The following OSBPL10 variants were observed in gnomAD, a reference collection of about 807,000 sequenced individuals.
OSBPL10 encodes the protein oxysterol-binding protein-related protein 10.
Under a neutral mutation model 81.7 loss-of-function variants are expected in OSBPL10, and 49 were observed. The ratio of observed to expected loss-of-function variants is 0.60; its 90% CI spans 0.48 to 0.76. The LOEUF is 0.76. Among genes scored for constraint, OSBPL10 ranks in the 30% least tolerant of loss-of-function variants. OSBPL10 has a pLI of 0.00. For missense variants in OSBPL10, 923 were observed against 987.8 expected, an observed-to-expected ratio of 0.93 and a Z score of 0.88; for synonymous variants, 419 against 383.6, an observed-to-expected ratio of 1.09 and a Z score of -1.08.
intron 6 of OSBPL10, chr3:31,714,634 G>A (rs1006181659): frequency 2.6e-5 from 4 of 152,238 alleles, no homozygotes; most frequent in East Asian, 1.9e-4. Flanking sequence ...GCGTGCACTC[G>A]AGAAAGGAAC....
At chr3:32,060,278 C>T (rs1699744702) in intron 1 of OSBPL10, among the ~76,000 whole-genome samples, 2 of 152,108 alleles carry the variant, frequency 1.3e-5, no homozygotes, top group African/African-American at 2.4e-5. Flanking sequence ...AGGCAAGATC[C>T]GGCCTCCTTG....
intron 4 of OSBPL10, among the ~76,000 whole-genome samples, chr3:31,804,948 T>C (rs901076521): frequency 2.0e-5 from 3 of 152,218 alleles, no homozygotes; most frequent in African/African-American, 7.2e-5. Flanking sequence ...AACAACACTG[T>C]CTCCAAGGGA....
intron 1 of OSBPL10, among the ~76,000 whole-genome samples, chr3:31,968,723 A>G (rs190506553): frequency 3.4e-4 from 52 of 152,342 alleles, no homozygotes; most frequent in African/African-American, 1.2e-3. Context: ...CGAAGCAATC[A>G]TGTAAACTGA....
At chr3:31,759,884 T>C (rs536202983) in intron 4 of OSBPL10, among the ~76,000 whole-genome samples, 5 of 152,206 alleles carry the variant, frequency 3.3e-5, no homozygotes, top group African/African-American at 1.2e-4. Flanking sequence ...CTCAGCCTCC[T>C]GAGTAGCTGG....
intron 4 of OSBPL10, among the ~76,000 whole-genome samples, chr3:31,780,558 G>T (rs28773285): frequency 0.4 from 60,020 of 151,280 alleles, 13,387 homozygotes; most frequent in African/African-American, 0.62. Context: ...TGATAGACCA[G>T]TAGCAAGATT....
intron 2 of OSBPL10, among the ~76,000 whole-genome samples, chr3:32,043,663 C>A (rs1699595847): frequency 6.6e-6 from 1 of 152,072 alleles, no homozygotes; most frequent in South Asian, 2.1e-4. Context: ...CTCCTAAGGC[C>A]AGCACTACGT....
chr3:31,751,235 C>T (rs1320835158), intron 4 of OSBPL10, among the ~76,000 whole-genome samples: 1 of 152,118 alleles, frequency 6.6e-6, no homozygotes, highest in Non-Finnish European at 1.5e-5. Context: ...GTGGTCCTAG[C>T]TACTCAGGAG....
chr3:31,880,812 C>T (rs1260476276), intron 1 of OSBPL10, among the ~76,000 whole-genome samples: 1 of 152,200 alleles, frequency 6.6e-6, no homozygotes, highest in Non-Finnish European at 1.5e-5. Flanking sequence ...TCCACCACAC[C>T]CTTTTGAAAC....
At chr3:31,892,338 C>T (rs914491393) in intron 1 of OSBPL10, among the ~76,000 whole-genome samples, 5 of 152,088 alleles carry the variant, frequency 3.3e-5, no homozygotes, top group South Asian at 4.1e-4. Context: ...CAAGGCGTGG[C>T]GGGACTTTAT....
At chr3:31,683,542 C>T in intron 8 of OSBPL10, 92 bp downstream of exon 8, 1 of 1,501,916 alleles carries the variant, frequency 6.7e-7, no homozygotes, top group Non-Finnish European at 8.9e-7. Context: ...ACAACAACAA[C>T]AAAAAACTCC....
chr3:31,797,235 C>T (rs1395373576), intron 4 of OSBPL10, among the ~76,000 whole-genome samples: 4 of 152,040 alleles, frequency 2.6e-5, no homozygotes, highest in South Asian at 2.1e-4. Context: ...CCTCGTGATC[C>T]GGCCTCTTCG....
intron 3 of OSBPL10, among the ~76,000 whole-genome samples, chr3:31,831,978 T>C (rs184246586): frequency 2.4e-3 from 361 of 152,314 alleles, no homozygotes; most frequent in Non-Finnish European, 3.9e-3. Flanking sequence ...AACCCAAATG[T>C]CCGTCAGCAT....
At chr3:32,049,085 G>A (rs1292463183) in intron 1 of OSBPL10, among the ~76,000 whole-genome samples, 1 of 152,158 alleles carries the variant, frequency 6.6e-6, no homozygotes, top group Non-Finnish European at 1.5e-5. Context: ...CCATTTCCCA[G>A]AAAACTTATG....
chr3:31,770,090 A>G (rs1234413342), intron 4 of OSBPL10, among the ~76,000 whole-genome samples: 2 of 152,206 alleles, frequency 1.3e-5, no homozygotes, highest in Admixed American at 1.3e-4. Context: ...TAAAGCAATC[A>G]ATAAAAAAAC....
intron 1 of OSBPL10, among the ~76,000 whole-genome samples, chr3:31,880,226 G>A (rs746705276): frequency 6.6e-6 from 1 of 152,240 alleles, no homozygotes; most frequent in Non-Finnish European, 1.5e-5. Context: ...CTCCAGGAGA[G>A]GTAGTTTCAC....
intron 4 of OSBPL10, among the ~76,000 whole-genome samples, chr3:31,799,855 C>A (rs574034192): frequency 4.6e-5 from 7 of 152,074 alleles, no homozygotes; most frequent in Non-Finnish European, 1.0e-4. Flanking sequence ...ACTACAGGCG[C>A]CCACCACCAT....
chr3:31,729,372 C>G (rs141005500), intron 6 of OSBPL10, among the ~76,000 whole-genome samples: 1 of 152,020 alleles, frequency 6.6e-6, no homozygotes, highest in African/African-American at 2.4e-5. Context: ...GAATTAGGTG[C>G]CTGTAGAATT....
intron 4 of OSBPL10, among the ~76,000 whole-genome samples, chr3:31,791,860 A>C (rs1250992855): frequency 1.3e-5 from 2 of 152,108 alleles, no homozygotes; most frequent in Admixed American, 6.5e-5. Context: ...AAAAAAAAAA[A>C]AAATAAGAAA....
intron 7 of OSBPL10, among the ~76,000 whole-genome samples, chr3:31,692,880 A>T (rs1005654908): frequency 7.9e-5 from 12 of 152,256 alleles, no homozygotes; most frequent in East Asian, 3.9e-4. Context: ...AGGGGCCTGA[A>T]GACTACCATT....
Sources: allele counts gnomAD v4.1 joint callset (sites outside exome capture counted in the v4.1 genomes callset), GRCh38; gene constraint gnomAD v4.1.1; transcripts MANE v1.5; gene names NCBI Gene and HGNC (gene_info 2026-07-23, HGNC 2026-07-21).